The following TENM1 variants were observed in gnomAD, a reference collection of about 807,000 sequenced individuals.
The protein encoded by TENM1 is teneurin-1.
In TENM1, 35 loss-of-function variants were observed where a neutral mutation model predicts 174.8. The observed-to-expected ratio is 0.20, with a 90% CI of 0.15 to 0.27. The LOEUF (loss-of-function observed/expected upper bound fraction) is 0.27. Ranked by LOEUF, TENM1 falls within the 10% of genes least tolerant of loss-of-function variation. TENM1 has a pLI of 1.00. For missense variants in TENM1, 1,633 were observed against 2,130.1 expected (o/e 0.77, Z 4.59); for synonymous variants, 781 against 798.7 (o/e 0.98, Z 0.37).
At chrX:124,711,794 C>T (rs1180691304) in intron 4 of TENM1, among the ~76,000 whole-genome samples, 3 of 111,732 alleles carry the variant, frequency 2.7e-5, no homozygotes, top group Non-Finnish European at 3.8e-5. Flanking sequence ...GGTTATAGAA[C>T]AGATCTCTGG....
chrX:124,462,447 G>C (rs1329848593), intron 22 of TENM1, among the ~76,000 whole-genome samples: 1 of 93,041 alleles, frequency 1.1e-5, no homozygotes, highest in South Asian at 5.6e-4. Flanking sequence ...GGGTGGGGGT[G>C]GGGGGGAGGG....
intron 15 of TENM1, among the ~76,000 whole-genome samples, chrX:124,543,828 A>C (rs1569536941): frequency 8.9e-6 from 1 of 112,388 alleles, no homozygotes; most frequent in Non-Finnish European, 1.9e-5. Context: ...ACACCATCAC[A>C]CGGCACAGAA....
the TENM1 span, among the ~76,000 whole-genome samples, chrX:125,078,308 A>G: frequency 8.9e-6 from 1 of 111,972 alleles, no homozygotes; most frequent in East Asian, 2.8e-4. Context: ...TTTACCAAGA[A>G]TTATATTTCA....
the TENM1 span, among the ~76,000 whole-genome samples, chrX:125,038,114 T>A: frequency 1.5e-4 from 17 of 111,558 alleles, no homozygotes. Context: ...GGCACTCCAG[T>A]AGATCATTGC....
At chrX:124,650,478 T>C (rs1258260843) in intron 8 of TENM1, among the ~76,000 whole-genome samples, 2 of 111,155 alleles carry the variant, frequency 1.8e-5, no homozygotes, top group Admixed American at 9.7e-5. Context: ...GGGGAGGAAG[T>C]AAGGGACAGG....
chrX:124,468,454 G>A (rs2061264589), intron 22 of TENM1, among the ~76,000 whole-genome samples: 1 of 112,445 alleles, frequency 8.9e-6, no homozygotes, highest in African/African-American at 3.2e-5. Context: ...GGGATTACAG[G>A]CGTCAGCCAC....
At chrX:124,461,793 T>C (rs2061177165) in intron 22 of TENM1, among the ~76,000 whole-genome samples, 1 of 111,126 alleles carries the variant, frequency 9.0e-6, no homozygotes, top group African/African-American at 3.3e-5. Flanking sequence ...AAATAAGAAC[T>C]AGGGTTTGAT....
chrX:125,110,440 T>G, the TENM1 span, among the ~76,000 whole-genome samples: 1 of 111,340 alleles, frequency 9.0e-6, no homozygotes, highest in Non-Finnish European at 1.9e-5. Flanking sequence ...CTTATGGGTA[T>G]TTTTCTCTTC....
intron 3 of TENM1, among the ~76,000 whole-genome samples, chrX:124,888,361 A>G (rs1395391740): frequency 1.8e-5 from 2 of 111,286 alleles, no homozygotes; most frequent in Non-Finnish European, 3.8e-5. Context: ...AATCAACAGG[A>G]CTTCTGAGTA....
chrX:124,943,891 C>A (rs2058365239), intron 1 of TENM1, among the ~76,000 whole-genome samples: 1 of 111,818 alleles, frequency 8.9e-6, no homozygotes, highest in Non-Finnish European at 1.9e-5. Flanking sequence ...AAGTATAATT[C>A]TCTACAATTA....
At chrX:124,929,352 C>T (rs2058136060) in intron 1 of TENM1, among the ~76,000 whole-genome samples, 1 of 111,859 alleles carries the variant, frequency 8.9e-6, no homozygotes, top group African/African-American at 3.2e-5. Context: ...TCTAATATAT[C>T]CTCCTTGCTT....
chrX:124,837,351 A>C (rs773767467), intron 3 of TENM1, among the ~76,000 whole-genome samples: 6 of 112,178 alleles, frequency 5.3e-5, no homozygotes, highest in Admixed American at 9.4e-5. Context: ...GGCCTCCCAA[A>C]GTGTTGGGAT....
the TENM1 span, among the ~76,000 whole-genome samples, chrX:125,029,956 G>A: frequency 1.5e-4 from 17 of 111,812 alleles, no homozygotes; most frequent in African/African-American, 4.9e-4. Flanking sequence ...CCTATTTACC[G>A]GCACAACTAA....
the TENM1 span, among the ~76,000 whole-genome samples, chrX:125,140,930 A>T: frequency 2.7e-5 from 3 of 111,736 alleles, no homozygotes; most frequent in Non-Finnish European, 3.8e-5. Flanking sequence ...CCTGCTACCC[A>T]CAGGGCTCCC....
intron 15 of TENM1, among the ~76,000 whole-genome samples, chrX:124,532,479 C>G (rs2048128646): frequency 9.0e-6 from 1 of 111,550 alleles, no homozygotes; most frequent in Admixed American, 9.5e-5. Context: ...CATTCTGTAT[C>G]TCGTTCTGAG....
intron 11 of TENM1, among the ~76,000 whole-genome samples, chrX:124,638,885 C>T (rs2050944249): frequency 9.0e-6 from 1 of 111,321 alleles, no homozygotes; most frequent in African/African-American, 3.3e-5. Flanking sequence ...AAAGCAGTTA[C>T]CCTGTCTCTT....
chrX:124,938,804 A>G (rs767951559), intron 1 of TENM1, among the ~76,000 whole-genome samples: 3 of 111,728 alleles, frequency 2.7e-5, no homozygotes, highest in East Asian at 5.6e-4. Flanking sequence ...CTGGTGAGTA[A>G]TTGTATATAC....
intron 15 of TENM1, among the ~76,000 whole-genome samples, chrX:124,539,762 T>C (rs1374928557): frequency 9.0e-6 from 1 of 111,549 alleles, no homozygotes; most frequent in East Asian, 2.8e-4. Flanking sequence ...CAAAGGATGA[T>C]GAAACTGTTT....
chrX:124,754,570 T>A (rs1435293560), intron 3 of TENM1, among the ~76,000 whole-genome samples: 1 of 111,492 alleles, frequency 9.0e-6, no homozygotes, highest in African/African-American at 3.3e-5. Context: ...GTTCTTTTAA[T>A]TGTGATGTTA....
Sources: allele counts gnomAD v4.1 joint callset (sites outside exome capture counted in the v4.1 genomes callset), GRCh38; gene constraint gnomAD v4.1.1; transcripts MANE v1.5; gene names NCBI Gene and HGNC (gene_info 2026-07-23, HGNC 2026-07-21).